GATAD1: variants seen among roughly 807,000 people sequenced by gnomAD.
The protein encoded by GATAD1 is GATA zinc finger domain-containing protein 1.
Under a neutral mutation model 26.5 loss-of-function variants are expected in GATAD1, and 12 were observed. That is an observed-to-expected ratio of 0.45 (90% confidence interval 0.29 to 0.73). The LOEUF is 0.73. Among genes scored for constraint, GATAD1 ranks in the 30% least tolerant of loss-of-function variants. GATAD1 has a pLI of 0.10. For missense variants in GATAD1, 266 were observed against 342.1 expected (o/e 0.78, Z 1.75); for synonymous variants, 129 against 133.1 (o/e 0.97, Z 0.21).
chr7:92,487,904 G>T, the GATAD1 span, among the ~76,000 whole-genome samples: 1 of 152,144 alleles, frequency 6.6e-6, no homozygotes, highest in African/African-American at 2.4e-5. Flanking sequence ...GTTAGTGATG[G>T]TGCAGTATAT....
At chr7:92,490,632 CAAAAAAAAAA>C in the GATAD1 span, among the ~76,000 whole-genome samples, 5 of 79,636 alleles carry the variant, frequency 6.3e-5, no homozygotes, top group Non-Finnish European at 1.2e-4. Context: ...GAGACTGTCT[CAAAAAAAAAA>C]AAAAAAAAAA....
At chr7:92,450,871 G>A in intron 3 of GATAD1, 111 bp downstream of exon 3, 2 of 656,300 alleles carry the variant, frequency 3.0e-6, no homozygotes, top group Non-Finnish European at 2.7e-6. Flanking sequence ...TATAAGGTGT[G>A]ATTATACTTT....
At chr7:92,492,823 G>C in the GATAD1 span, 1 of 759,378 alleles carries the variant, frequency 1.3e-6, no homozygotes, top group Non-Finnish European at 2.4e-6. Flanking sequence ...TTCAACTAAA[G>C]GTAAATTTAT....
At chr7:92,485,604 T>TATC in the GATAD1 span, among the ~76,000 whole-genome samples, 1 of 152,246 alleles carries the variant, frequency 6.6e-6, no homozygotes. Context: ...CTCTGGGGAT[T>TATC]ATCAGACACT....
the GATAD1 span, chr7:92,489,970 G>C: frequency 2.1e-3 from 2,627 of 1,262,890 alleles, 13 homozygotes; most frequent in Middle Eastern, 2.2e-3. Context: ...AAAAAACTAT[G>C]TGTTTACCAA....
chr7:92,466,816 TTTCGGGG>T, the GATAD1 span, among the ~76,000 whole-genome samples: 1 of 152,114 alleles, frequency 6.6e-6, no homozygotes, highest in Non-Finnish European at 1.5e-5. Flanking sequence ...GATATCAACT[TTTCGGGG>T]GTGGGGGAGT....
Position 92,456,777 on chromosome 7 carries a change from A to G in GATAD1, c.*215A>G. 2 of 456,988 alleles carry G rather than the reference A, an allele frequency of 4.4e-6. No homozygotes were observed. The highest frequency in any genetic ancestry group is 7.6e-6 in the Non-Finnish European group (2 of 262,734). 28.3% of individuals were successfully genotyped at this position (456,988 alleles called of 1,614,324 possible). ...GAAATTCTTAGCTGGAAAAGTGACT[A>G]AAAAGTTTTTCTCCTGCTACCTAGT... On this transcript the variant is annotated 3_prime_UTR_variant, in exon 5 of 5. Transcript: ENST00000287957.
the GATAD1 span, chr7:92,493,057 C>T: frequency 6.2e-7 from 1 of 1,612,102 alleles, no homozygotes. Context: ...ACTGATGCTA[C>T]ATGCTGAAGG....
Position 92,447,800 on chromosome 7 carries a change from C to G in GATAD1, c.71C>G (p.Ala24Gly). 1 of 1,493,274 alleles carries G rather than the reference C, an allele frequency of 6.7e-7. No homozygotes were observed. Among genetic ancestry groups the G allele is most frequent in the East Asian group, 3.0e-5 (1 of 33,350 alleles). 92.5% of individuals were successfully genotyped at this position (1,493,274 alleles called of 1,614,324 possible). The change falls in exon 1 of 5, where the codon GCG (alanine) becomes GGG (glycine). Residue 24 changes from alanine to glycine, a missense_variant. By Grantham distance (60) the Ala-to-Gly change is moderately conservative. Transcript: ENST00000287957. ...TTSSSMWKKGAQGEILCHHCT... is the reference protein window; with the variant it reads ...TTSSSMWKKGGQGEILCHHCT... ...TCGTCCTCCATGTGGAAGAAGGGAG[C>G]GCAGGGGGAGATCCTCTGCCATCAT...
At position 92,453,425 on chromosome 7, in the gene GATAD1, T is replaced by C. The variant is rs117043296; in HGVS notation, c.436-1077T>C. Among the ~76,000 whole-genome samples, 71 of 152,252 alleles carry C rather than the reference T, an allele frequency of 4.7e-4. 2 individuals are homozygous for C. The East Asian group carries it at 0.013, about 28-fold the overall frequency. On this transcript the variant is annotated intron_variant, in intron 3 of 4. Transcript: ENST00000287957. ...GGACATAGGATGGATACCAGAGTCA[T>C]AGGGAGGATTTAACACAGGACATGT...
downstream of GATAD1, among the ~76,000 whole-genome samples, chr7:92,462,652 C>G (rs1357704460): frequency 6.6e-6 from 1 of 152,202 alleles, no homozygotes; most frequent in African/African-American, 2.4e-5. Flanking sequence ...TGTTAAAGCC[C>G]TGGCCCCCAA....
At chr7:92,475,574 G>T in the GATAD1 span, among the ~76,000 whole-genome samples, 1 of 151,224 alleles carries the variant, frequency 6.6e-6, no homozygotes, top group Admixed American at 6.6e-5. Flanking sequence ...GCTCAGGGGT[G>T]AGTTCCTTTC....
the GATAD1 span, chr7:92,469,761 G>T: frequency 3.9e-6 from 3 of 764,208 alleles, no homozygotes; most frequent in Non-Finnish European, 7.2e-6. Context: ...TGCTGAAGTT[G>T]TTCCATTGTT....
chr7:92,454,623 C>T lies in GATAD1; in HGVS notation c.557C>T (p.Thr186Met), dbSNP rs1789588637. ...DQYCEKSAAL[T>M]WLIPTLSSPR... ...TATTGCGAGAAGAGTGCAGCACTGA[C>T]GTGGCTCATTCCTACCCTCTCTAGC... Residue 186 changes from threonine (T) to methionine (M), a missense_variant, in exon 4 of 5, where the codon ACG becomes ATG. Thr to Met is a moderately conservative substitution (Grantham distance 81, BLOSUM62 -1). Coordinates refer to ENST00000287957, the MANE Select transcript of GATAD1 (RefSeq NM_021167.5). 7 of 1,613,080 alleles carry T rather than the reference C, an allele frequency of 4.3e-6. No homozygotes were observed. Among genetic ancestry groups the T allele is most frequent in the Non-Finnish European group, 5.1e-6 (6 of 1,179,314 alleles).
At chr7:92,483,398 G>C in the GATAD1 span, among the ~76,000 whole-genome samples, 2 of 152,232 alleles carry the variant, frequency 1.3e-5, no homozygotes, top group Non-Finnish European at 2.9e-5. Flanking sequence ...CTACTTGGCT[G>C]CCTCTACTCT....
In GATAD1 at chr7:92,458,253, C is replaced by T. The variant is rs1745478044; in HGVS notation, c.*1691C>T. 6.6e-6 allele frequency: 1 copy of T among 152,180 alleles called. No homozygotes were observed. The highest frequency in any genetic ancestry group is 1.5e-5 in the Non-Finnish European group (1 of 68,042). 9.4% of individuals were successfully genotyped at this position (152,180 alleles called of 1,614,324 possible). A position where few individuals can be genotyped will look rare whatever the true frequency, so the allele number is the denominator to read the frequency against. On this transcript the variant is annotated 3_prime_UTR_variant, in exon 5 of 5. Transcript: ENST00000287957. ...CTGTTTCTAGTCAAAAATGAGACTT[C>T]GATCAAACCATAAGATTTTATACTG...
the GATAD1 span, among the ~76,000 whole-genome samples, chr7:92,485,896 A>AAAG: frequency 6.6e-6 from 1 of 152,232 alleles, no homozygotes; most frequent in South Asian, 2.1e-4. Context: ...GTCTGGAGGA[A>AAAG]AAGTATGCCC....
intron 3 of GATAD1, chr7:92,454,300 C>T: frequency 1.8e-6 from 1 of 544,808 alleles, no homozygotes; most frequent in Admixed American, 3.7e-5. Context: ...CATATATGCA[C>T]CCTCGTATGT....
At chr7:92,469,034 G>T in the GATAD1 span, 1 of 714,564 alleles carries the variant, frequency 1.4e-6, no homozygotes, top group Non-Finnish European at 2.5e-6. Flanking sequence ...CCTAAGAAGG[G>T]GAGAATCCAG....
Sources: gnomAD v4.1 joint callset for allele counts (sites outside exome capture counted in the v4.1 genomes callset) on GRCh38, gnomAD v4.1.1 for gene constraint, MANE v1.5 for transcripts, NCBI Gene and HGNC (gene_info 2026-07-23, HGNC 2026-07-21) for gene names.